FUT8: variants seen among roughly 807,000 people sequenced by gnomAD.
The protein encoded by FUT8 is alpha-(1,6)-fucosyltransferase.
A neutral mutation model predicts 71.3 loss-of-function variants in FUT8; 29 were observed. The observed-to-expected ratio is 0.41, with a 90% CI of 0.30 to 0.55. The LOEUF is 0.55. FUT8 is among the 20% of genes least tolerant of loss of function. The probability of loss-of-function intolerance (pLI) is 0.34; values close to 1 mark genes in which losing one functional copy is unlikely to be tolerated. For synonymous variants in FUT8, 254 were observed against 239.3 expected (o/e 1.06, Z -0.57); for missense variants, 544 against 702.1 (o/e 0.77, Z 2.55).
intron 2 of FUT8, among the ~76,000 whole-genome samples, chr14:65,497,061 A>T (rs1441195900): frequency 6.6e-6 from 1 of 152,172 alleles, no homozygotes; most frequent in Non-Finnish European, 1.5e-5. Context: ...GCATTTATTT[A>T]TTCCAGCCAG....
At chr14:65,693,174 G>T (rs1893787190) in intron 7 of FUT8, among the ~76,000 whole-genome samples, 1 of 152,240 alleles carries the variant, frequency 6.6e-6, no homozygotes, top group Non-Finnish European at 1.5e-5. Flanking sequence ...GGTGGAGGTT[G>T]TAGCGAGCCG....
chr14:65,575,967 CA>C (rs1243127953), intron 3 of FUT8, among the ~76,000 whole-genome samples: 1 of 152,098 alleles, frequency 6.6e-6, no homozygotes, highest in Non-Finnish European at 1.5e-5. Flanking sequence ...GATAAAAATA[CA>C]AATGGAATTA....
chr14:65,528,531 C>T (rs1437399702), intron 2 of FUT8, among the ~76,000 whole-genome samples: 10 of 152,280 alleles, frequency 6.6e-5, no homozygotes, highest in South Asian at 2.1e-4. Flanking sequence ...CTTCAGCTCA[C>T]GCTTGGTGGG....
intron 3 of FUT8, among the ~76,000 whole-genome samples, chr14:65,578,545 G>C (rs1051247976): frequency 1.3e-5 from 2 of 152,154 alleles, no homozygotes; most frequent in African/African-American, 4.8e-5. Flanking sequence ...AAAACGTTAT[G>C]AGATTTTGTT....
At chr14:65,609,093 A>T (rs1483919520) in intron 3 of FUT8, among the ~76,000 whole-genome samples, 1 of 151,692 alleles carries the variant, frequency 6.6e-6, no homozygotes, top group African/African-American at 2.4e-5. Context: ...TCAGGAGTTG[A>T]AGACCAGCCT....
At chr14:65,547,057 C>G (rs1034080070) in intron 2 of FUT8, among the ~76,000 whole-genome samples, 6 of 151,332 alleles carry the variant, frequency 4.0e-5, no homozygotes, top group African/African-American at 1.5e-4. Context: ...TGTAGTATCT[C>G]TAGTAATACT....
chr14:65,468,428 C>T, intron 2 of FUT8: 4 of 365,380 alleles, frequency 1.1e-5, no homozygotes, highest in Admixed American at 3.7e-5. Flanking sequence ...TATTTCACTT[C>T]ACTCTTTTTG....
intron 7 of FUT8, among the ~76,000 whole-genome samples, chr14:65,684,115 A>AAT (rs564897506): frequency 1.2e-3 from 178 of 151,770 alleles, no homozygotes; most frequent in African/African-American, 3.9e-3. Flanking sequence ...TTATATTAAA[A>AAT]ATATATATAT....
rs547907337 is a variant in FUT8 at position 65,523,517 on chromosome 14, T to A, written c.-227-37820T>A. Among the ~76,000 whole-genome samples, 195 of 152,360 alleles carry A rather than the reference T, an allele frequency of 1.3e-3. 1 individual carries two copies. Among genetic ancestry groups the A allele is most frequent in the African/African-American group, 4.5e-3 (186 of 41,588 alleles). Reference sequence around the variant, plus strand: ...AGATTGCAAAAATTTTCTCCCATTCTGTAGGTTGCCTGTTCACTCTGATGG... The same window carrying A: ...AGATTGCAAAAATTTTCTCCCATTCAGTAGGTTGCCTGTTCACTCTGATGG... On this transcript the variant is annotated intron_variant, in intron 2 of 10. Transcript: ENST00000673929.
At chr14:65,517,126 A>T (rs974677424) in intron 2 of FUT8, among the ~76,000 whole-genome samples, 1 of 151,952 alleles carries the variant, frequency 6.6e-6, no homozygotes, top group Non-Finnish European at 1.5e-5. Context: ...ATCAGTGGAC[A>T]TTTACATTGT....
Position 65,550,418 on chromosome 14 carries a change from A to G in FUT8, c.-227-10919A>G, listed in dbSNP as rs934993397. On this transcript the variant is annotated intron_variant, in intron 2 of 10. Coordinates refer to ENST00000673929, the MANE Select transcript of FUT8 (RefSeq NM_001371533.1). The surrounding 1 kb of genome is among the most constrained non-coding windows in gnomAD (Gnocchi z 4.5). ...CTACAGTTGGACAAAATCATTTAAC[A>G]CAAAACTATTTTGTAATGAAGTGTT... 1.3e-5 allele frequency among the ~76,000 whole-genome samples: 2 copies of G among 152,230 alleles called. No homozygotes were observed. Among genetic ancestry groups the G allele is most frequent in the Non-Finnish European group, 2.9e-5 (2 of 68,026 alleles).
the FUT8 span, among the ~76,000 whole-genome samples, chr14:65,370,319 C>T: frequency 1.3e-5 from 2 of 150,628 alleles, no homozygotes; most frequent in East Asian, 3.9e-4. Flanking sequence ...GCCATTCTCC[C>T]ACCTCAGCCT....
At chr14:65,711,293 G>A (rs1274083970) in intron 7 of FUT8, among the ~76,000 whole-genome samples, 1 of 152,164 alleles carries the variant, frequency 6.6e-6, no homozygotes, top group Non-Finnish European at 1.5e-5. Context: ...CAATCTGTAA[G>A]GAAACTGAGG....
At chr14:65,532,721 A>G (rs1015714911) in intron 2 of FUT8, among the ~76,000 whole-genome samples, 7 of 152,104 alleles carry the variant, frequency 4.6e-5, no homozygotes, top group East Asian at 3.9e-4. Context: ...CCCAGGTCCT[A>G]TGTTCAGAAT....
intron 2 of FUT8, among the ~76,000 whole-genome samples, chr14:65,474,366 G>A (rs1393491740): frequency 6.7e-6 from 1 of 149,632 alleles, no homozygotes; most frequent in Non-Finnish European, 1.5e-5. Context: ...ACTTTGGGAG[G>A]CTGAGGCGGG....
intron 6 of FUT8, among the ~76,000 whole-genome samples, chr14:65,655,424 C>T (rs112699799): frequency 1.4e-4 from 20 of 147,642 alleles, no homozygotes; most frequent in South Asian, 6.4e-4. Flanking sequence ...TGCAGTGAGC[C>T]GAGATCACGC....
chr14:65,571,362 T>C (rs1210841293), intron 3 of FUT8, among the ~76,000 whole-genome samples: 1 of 152,116 alleles, frequency 6.6e-6, no homozygotes, highest in Non-Finnish European at 1.5e-5. Context: ...ATCATGCACA[T>C]AGCAGTGATT....
At position 65,560,426 on chromosome 14, in the gene FUT8, G is replaced by A. The variant is rs148269176; in HGVS notation, c.-227-911G>A. On this transcript the variant is annotated intron_variant, in intron 2 of 10. Transcript: ENST00000673929. ...AACTCTGGGTTCAAGCAATTCTCCC[G>A]CCTTGTCTCCTTCTAAAGTGCAGGG... Among the ~76,000 whole-genome samples, 77 of 152,106 alleles carry A rather than the reference G, an allele frequency of 5.1e-4. 1 individual carries two copies. In the East Asian group the frequency reaches 0.012, roughly 23 times the overall value.
At chr14:65,411,073 C>T (rs2139334401), upstream of FUT8, 2 of 152,254 alleles carry the variant, frequency 1.3e-5, no homozygotes, top group Middle Eastern at 3.4e-3. Context: ...TGTTCATTTC[C>T]AACAACCAAA....
Sources: allele counts gnomAD v4.1 joint callset (sites outside exome capture counted in the v4.1 genomes callset), GRCh38; gene constraint gnomAD v4.1.1; non-coding constraint Gnocchi (gnomAD v3.1); transcripts MANE v1.5; gene names NCBI Gene and HGNC (gene_info 2026-07-23, HGNC 2026-07-21).